ARHGAP5: variants seen among roughly 807,000 people sequenced by gnomAD.
The protein encoded by ARHGAP5 is rho GTPase-activating protein 5.
ARHGAP5 carries 23 observed loss-of-function variants against 116.6 expected under a neutral mutation model. The ratio of observed to expected loss-of-function variants is 0.20; its 90% CI spans 0.14 to 0.28. The LOEUF is 0.28. Ranked by LOEUF, ARHGAP5 falls within the 10% of genes least tolerant of loss-of-function variation. ARHGAP5 has a pLI of 1.00. For synonymous variants in ARHGAP5, 574 were observed against 602.0 expected (o/e 0.95, Z 0.68); for missense variants, 1,405 against 1,774.8 (o/e 0.79, Z 3.74).
chr14:32,118,177 T>C (rs1879701145), intron 3 of ARHGAP5, among the ~76,000 whole-genome samples: 1 of 152,184 alleles, frequency 6.6e-6, no homozygotes, highest in African/African-American at 2.4e-5. Context: ...AGTTATCTAT[T>C]TGGTAAGGAA....
At chr14:32,151,406 T>G (rs778919373) in intron 5 of ARHGAP5, among the ~76,000 whole-genome samples, 1 of 152,238 alleles carries the variant, frequency 6.6e-6, no homozygotes, top group Non-Finnish European at 1.5e-5. Flanking sequence ...GAGAGTAAGT[T>G]AAATACTTAA....
chr14:32,158,240 GA>G lies in ARHGAP5; in HGVS notation c.*3295del, dbSNP rs1244709153. 1 of 151,684 alleles carries G rather than the reference GA, an allele frequency of 6.6e-6. No homozygotes were observed. Among genetic ancestry groups the G allele is most frequent in the Non-Finnish European group, 1.5e-5 (1 of 67,768 alleles). 9.4% of individuals were successfully genotyped at this position (151,684 alleles called of 1,614,324 possible). ...AAAATATAAATTTATCAATATGATG[GA>G]AATCTTATTAAGGAGATGTATTATT... On this transcript the variant is annotated 3_prime_UTR_variant, in exon 7 of 7. Coordinates refer to ENST00000345122, the MANE Select transcript of ARHGAP5 (RefSeq NM_001030055.2).
At chr14:32,116,768 C>A (rs957679075) in intron 2 of ARHGAP5, among the ~76,000 whole-genome samples, 2 of 152,254 alleles carry the variant, frequency 1.3e-5, no homozygotes, top group Non-Finnish European at 1.5e-5. Flanking sequence ...AAAACTCACT[C>A]GGACCTGCTT....
At chr14:32,120,382 C>CTT (rs139973746) in intron 3 of ARHGAP5, among the ~76,000 whole-genome samples, 1 of 150,058 alleles carries the variant, frequency 6.7e-6, no homozygotes, top group East Asian at 1.9e-4. Context: ...ATTGATTTTC[C>CTT]TTTTTTTTTC....
rs1454915507 is a variant in ARHGAP5, at chr14:32,156,612, TAAG to T, written c.*1667_*1669del. The T allele has an allele frequency of 6.6e-6, 1 of 152,314 alleles. No homozygotes were observed. Among genetic ancestry groups the T allele is most frequent in the Admixed American group, 6.6e-5 (1 of 15,258 alleles). 9.4% of individuals were successfully genotyped at this position (152,314 alleles called of 1,614,324 possible). A position where few individuals can be genotyped will look rare whatever the true frequency, so the allele number is the denominator to read the frequency against. On this transcript the variant is annotated 3_prime_UTR_variant, in exon 7 of 7. Coordinates refer to ENST00000345122, the MANE Select transcript of ARHGAP5 (RefSeq NM_001030055.2). ...TTCCTATTGCAAAGCACACAGGAAT[TAAG>T]AAAGTACAGTAATTTTTAAAAAAAA...
intron 3 of ARHGAP5, among the ~76,000 whole-genome samples, chr14:32,128,950 C>G (rs528203518): frequency 7.9e-5 from 12 of 152,308 alleles, no homozygotes; most frequent in African/African-American, 2.4e-4. Flanking sequence ...TAAAAGTGCA[C>G]TGTCTTCAGA....
chr14:32,153,266 G>T (rs1881729186), intron 6 of ARHGAP5, among the ~76,000 whole-genome samples: 1 of 149,712 alleles, frequency 6.7e-6, no homozygotes, highest in Non-Finnish European at 1.5e-5. Context: ...AATTAACTGG[G>T]CGTGGTGTGA....
At chr14:32,138,070 A>T (rs1319619576) in intron 3 of ARHGAP5, among the ~76,000 whole-genome samples, 1 of 151,252 alleles carries the variant, frequency 6.6e-6, no homozygotes, top group East Asian at 1.9e-4. Flanking sequence ...CTATTTTGTC[A>T]TTTTCATTGT....
chr14:32,149,877 TA>T, intron 4 of ARHGAP5, 24 bp from the exon 5 acceptor site: 2 of 1,346,816 alleles, frequency 1.5e-6, no homozygotes, highest in Non-Finnish European at 2.0e-6. Flanking sequence ...TTATATAATT[TA>T]AAATGTTAAT....
chr14:32,130,931 G>A (rs1880453571), intron 3 of ARHGAP5, among the ~76,000 whole-genome samples: 1 of 152,166 alleles, frequency 6.6e-6, no homozygotes, highest in East Asian at 1.9e-4. Context: ...GATTCACCGA[G>A]TAAACTTTTT....
rs891005236 is a variant in ARHGAP5, at chr14:32,157,721, G to C, written c.*2773G>C. 1.3e-5 allele frequency: 2 copies of C among 151,548 alleles called. No homozygotes were observed. Among genetic ancestry groups the C allele is most frequent in the African/African-American group, 4.8e-5 (2 of 41,360 alleles). 9.4% of individuals were successfully genotyped at this position (151,548 alleles called of 1,614,324 possible). A position where few individuals can be genotyped will look rare whatever the true frequency, so the allele number is the denominator to read the frequency against. On this transcript the variant is annotated 3_prime_UTR_variant, in exon 7 of 7. Transcript: ENST00000345122. The stretch of plus-strand genomic sequence containing the variant: ...GTGCTTCTTCCCCTTAACATTTACA[G>C]TGTAAATACTGCAGGTAACCGCAAT...
chr14:32,126,946 T>A (rs1880185026), intron 3 of ARHGAP5, among the ~76,000 whole-genome samples: 1 of 151,966 alleles, frequency 6.6e-6, no homozygotes, highest in Non-Finnish European at 1.5e-5. Flanking sequence ...GTGGTAAATT[T>A]TATGTCATGT....
At chr14:32,082,319 A>T (rs1291914118) in intron 1 of ARHGAP5, among the ~76,000 whole-genome samples, 1 of 152,194 alleles carries the variant, frequency 6.6e-6, no homozygotes, top group Non-Finnish European at 1.5e-5. Flanking sequence ...TCTGAAGTTT[A>T]TGATGCTGAA....
intron 2 of ARHGAP5, among the ~76,000 whole-genome samples, chr14:32,108,170 A>T (rs1467360736): frequency 2.0e-5 from 3 of 152,154 alleles, no homozygotes; most frequent in Non-Finnish European, 2.9e-5. Flanking sequence ...AGTGGGTTGA[A>T]GAGTTACTGG....
intron 3 of ARHGAP5, among the ~76,000 whole-genome samples, chr14:32,135,756 G>C (rs189064048): frequency 5.3e-5 from 8 of 152,278 alleles, no homozygotes; most frequent in Middle Eastern, 3.4e-3. Context: ...CACATGCTAA[G>C]CCTAACCACA....
chr14:32,137,062 T>C (rs1307200015), intron 3 of ARHGAP5, among the ~76,000 whole-genome samples: 3 of 151,958 alleles, frequency 2.0e-5, no homozygotes, highest in African/African-American at 2.4e-5. Context: ...TATAAAAGTT[T>C]TAAATGTTAA....
In ARHGAP5 at chr14:32,155,414, A is replaced by G. The variant is rs1264577620; in HGVS notation, c.*466A>G. 6.5e-6 allele frequency: 1 copy of G among 153,512 alleles called. No individual in the cohort carries two copies. Among genetic ancestry groups the G allele is most frequent in the Non-Finnish European group, 1.5e-5 (1 of 68,652 alleles). 9.5% of individuals were successfully genotyped at this position (153,512 alleles called of 1,614,324 possible). The stretch of plus-strand genomic sequence containing the variant: ...AGTCGGTGTAGATAACTAAAAGCCC[A>G]GTTAAGTATTTTATAATTTCAGGCT... On this transcript the variant is annotated 3_prime_UTR_variant, in exon 7 of 7. Transcript: ENST00000345122.
intron 6 of ARHGAP5, among the ~76,000 whole-genome samples, chr14:32,153,242 A>G: frequency 6.7e-6 from 1 of 149,098 alleles, no homozygotes; most frequent in African/African-American, 2.4e-5. Context: ...CCCCATCTCC[A>G]CTAAAAATAC....
chr14:32,099,338 A>C (rs928390830), intron 2 of ARHGAP5, among the ~76,000 whole-genome samples: 2 of 152,226 alleles, frequency 1.3e-5, no homozygotes, highest in Non-Finnish European at 2.9e-5. Context: ...AGTTGTAGAT[A>C]CATAGGAGAC....
Sources: allele counts gnomAD v4.1 joint callset (sites outside exome capture counted in the v4.1 genomes callset), GRCh38; gene constraint gnomAD v4.1.1; transcripts MANE v1.5; gene names NCBI Gene and HGNC (gene_info 2026-07-23, HGNC 2026-07-21).